The following ATXN1 variants were observed in gnomAD, a reference collection of about 807,000 sequenced individuals.
The protein encoded by ATXN1 is ataxin-1.
ATXN1 carries 8 observed loss-of-function variants against 56.4 expected under a neutral mutation model. The ratio of observed to expected loss-of-function variants is 0.14; its 90% confidence interval spans 0.08 to 0.26. The LOEUF (loss-of-function observed/expected upper bound fraction) is 0.26, where lower values mean the gene tolerates loss of function less well. Among genes scored for constraint, ATXN1 ranks in the 10% least tolerant of loss-of-function variants. The pLI, the probability that ATXN1 is intolerant of heterozygous loss-of-function variation, is 1.00. For synonymous variants in ATXN1, 514 were observed against 494.6 expected (o/e 1.04, Z -0.52); for missense variants, 987 against 1,106.5 (o/e 0.89, Z 1.53).
chr6:16,390,777 T>C (rs1031152185), intron 6 of ATXN1, among the ~76,000 whole-genome samples: 3 of 152,208 alleles, frequency 2.0e-5, no homozygotes, highest in Admixed American at 2.0e-4. Flanking sequence ...GTGTCGGTTC[T>C]AGTTCCAATT....
At chr6:16,486,358 T>G (rs1415158701) in intron 5 of ATXN1, among the ~76,000 whole-genome samples, 1 of 152,184 alleles carries the variant, frequency 6.6e-6, no homozygotes, top group Non-Finnish European at 1.5e-5. Context: ...TTAGCTGAGA[T>G]GCAAACTTGC....
intron 6 of ATXN1, among the ~76,000 whole-genome samples, chr6:16,466,037 C>A (rs569145095): frequency 1.9e-3 from 296 of 152,260 alleles, no homozygotes; most frequent in Non-Finnish European, 1.9e-3. Flanking sequence ...CTAAATGTGG[C>A]CAGGCGCGGT....
At chr6:16,402,372 C>A (rs577307337) in intron 6 of ATXN1, among the ~76,000 whole-genome samples, 1 of 142,464 alleles carries the variant, frequency 7.0e-6, no homozygotes, top group East Asian at 2.3e-4. Flanking sequence ...TTTTTATTTA[C>A]CCTTTAATGT....
chr6:16,529,419 A>G (rs1398178883), intron 4 of ATXN1, among the ~76,000 whole-genome samples: 1 of 152,102 alleles, frequency 6.6e-6, no homozygotes, highest in Non-Finnish European at 1.5e-5. Flanking sequence ...CATTCTGATT[A>G]TGAGCCACAA....
rs1242693679 is a variant in ATXN1 at position 16,308,418 on chromosome 6, G to A, written c.1918-1559C>T. ...ATGATGGCCCAGAGAGGTGAAGCTG[G>A]TGTTGGGGGCCTGTTTTCTCCTGAA... On this transcript the variant is annotated intron_variant, in intron 7 of 7. Coordinates refer to ENST00000436367, the MANE Select transcript of ATXN1 (RefSeq NM_001128164.2). 2.0e-5 allele frequency among the ~76,000 whole-genome samples: 3 copies of A among 152,074 alleles called. No homozygotes were observed. In the South Asian group the frequency reaches 6.2e-4, roughly 32 times the overall value.
At chr6:16,661,290 T>G (rs1286949981) in intron 2 of ATXN1, among the ~76,000 whole-genome samples, 2 of 152,036 alleles carry the variant, frequency 1.3e-5, no homozygotes, top group East Asian at 1.9e-4. Context: ...ATATAGCATT[T>G]ATTATACATA....
intron 2 of ATXN1, among the ~76,000 whole-genome samples, chr6:16,674,051 T>TATATATATATATATATATA (rs559330521): frequency 7.2e-5 from 11 of 151,826 alleles, no homozygotes; most frequent in Admixed American, 2.0e-4. Flanking sequence ...CTAACGTGTT[T>TATATATATATATATATATA]TATATATATA....
intron 6 of ATXN1, among the ~76,000 whole-genome samples, chr6:16,400,826 G>T (rs1758552584): frequency 6.6e-6 from 1 of 152,114 alleles, no homozygotes; most frequent in Admixed American, 6.5e-5. Flanking sequence ...CTCAAAGAAG[G>T]TCATGGTCTA....
chr6:16,673,107 C>A (rs1056865835), intron 2 of ATXN1, among the ~76,000 whole-genome samples: 1 of 151,952 alleles, frequency 6.6e-6, no homozygotes, highest in African/African-American at 2.4e-5. Context: ...AGAGAATGAG[C>A]CTGGCTGACA....
chr6:16,456,674 C>G (rs1759882409), intron 6 of ATXN1, among the ~76,000 whole-genome samples: 1 of 152,194 alleles, frequency 6.6e-6, no homozygotes, highest in Non-Finnish European at 1.5e-5. Context: ...TGGGTCCTAA[C>G]ACCTGTCAGA....
chr6:16,491,258 A>AATGATTATT (rs1554110284), intron 5 of ATXN1, among the ~76,000 whole-genome samples: 2 of 107,458 alleles, frequency 1.9e-5, no homozygotes, highest in Non-Finnish European at 3.7e-5. Context: ...ACACCTGGCT[A>AATGATTATT]ATTATTATTA....
intron 6 of ATXN1, among the ~76,000 whole-genome samples, chr6:16,438,598 T>G (rs1759441123): frequency 6.6e-6 from 1 of 152,202 alleles, no homozygotes; most frequent in Admixed American, 6.5e-5. Flanking sequence ...TCCTGAAACA[T>G]ACCAAGATAT....
intron 6 of ATXN1, among the ~76,000 whole-genome samples, chr6:16,332,186 C>T (rs865990689): frequency 1.3e-5 from 2 of 152,154 alleles, no homozygotes; most frequent in African/African-American, 4.8e-5. Flanking sequence ...GGCTCTCTAA[C>T]GCTGAGGTAT....
At chr6:16,550,155 CAAAAAAA>C (rs70999336) in intron 4 of ATXN1, among the ~76,000 whole-genome samples, 2 of 91,196 alleles carry the variant, frequency 2.2e-5, no homozygotes, top group Non-Finnish European at 4.6e-5. Context: ...AAATAAAATA[CAAAAAAA>C]AAAAAAAAAA....
At chr6:16,551,593 A>C (rs113770895) in intron 4 of ATXN1, among the ~76,000 whole-genome samples, 12 of 152,260 alleles carry the variant, frequency 7.9e-5, no homozygotes, top group African/African-American at 2.6e-4. Context: ...TGATTCTGTA[A>C]AATCTGAGGG....
At chr6:16,698,650 T>TAA (rs11311429) in intron 2 of ATXN1, among the ~76,000 whole-genome samples, 171 of 135,382 alleles carry the variant, frequency 1.3e-3, no homozygotes, top group Non-Finnish European at 1.7e-3. Context: ...CCTCAAAAAT[T>TAA]AAAAAAAAAA....
chr6:16,678,763 C>T (rs1318967295), intron 2 of ATXN1, among the ~76,000 whole-genome samples: 4 of 152,168 alleles, frequency 2.6e-5, no homozygotes, highest in Admixed American at 6.5e-5. Flanking sequence ...GGGCTGGGTG[C>T]GGTGGCTCAC....
chr6:16,591,297 A>G (rs906713159), intron 3 of ATXN1, among the ~76,000 whole-genome samples: 17 of 152,206 alleles, frequency 1.1e-4, no homozygotes, highest in Non-Finnish European at 1.5e-4. Context: ...AACTCCTTTT[A>G]AATTGAATTA....
intron 6 of ATXN1, among the ~76,000 whole-genome samples, chr6:16,434,600 C>T (rs1311035251): frequency 6.6e-6 from 1 of 152,196 alleles, no homozygotes; most frequent in Non-Finnish European, 1.5e-5. Flanking sequence ...TGTTGCCATA[C>T]CACACAGCAT....
Sources: allele counts gnomAD v4.1 joint callset (sites outside exome capture counted in the v4.1 genomes callset), GRCh38; gene constraint gnomAD v4.1.1; transcripts MANE v1.5; gene names NCBI Gene and HGNC (gene_info 2026-07-23, HGNC 2026-07-21).